Variants in MYBL1 observed in about 807,000 individuals in gnomAD.
MYBL1 encodes the protein MYB proto-oncogene like 1, also known as myb-related protein A.
A neutral mutation model predicts 96.3 loss-of-function variants in MYBL1; 17 were observed. The observed-to-expected ratio is 0.18, with a 90% CI of 0.12 to 0.26. The LOEUF (loss-of-function observed/expected upper bound fraction) is 0.26. Ranked by LOEUF, MYBL1 falls within the 10% of genes least tolerant of loss-of-function variation. MYBL1 has a pLI of 1.00. For synonymous variants in MYBL1, 282 were observed against 292.7 expected (o/e 0.96, Z 0.37); for missense variants, 701 against 882.9 (o/e 0.79, Z 2.61).
chr8:66,570,591 A>C (rs920796695), intron 12 of MYBL1, among the ~76,000 whole-genome samples: 1 of 152,220 alleles, frequency 6.6e-6, no homozygotes, highest in African/African-American at 2.4e-5. Flanking sequence ...GAAGGCAGGA[A>C]CCATACTTGA....
At chr8:66,607,140 A>C (rs894398097) in intron 1 of MYBL1, among the ~76,000 whole-genome samples, 17 of 152,006 alleles carry the variant, frequency 1.1e-4, no homozygotes, top group Non-Finnish European at 2.1e-4. Flanking sequence ...AAAAAAAAAA[A>C]AAAAAAAAAA....
At position 66,576,007 on chromosome 8, in the gene MYBL1, C is replaced by T; in HGVS notation, c.1470G>A (p.Gln490=). The change falls in exon 10 of 16, where the codon CAG becomes CAA. Residue 490 remains glutamine, a splice_region_variant and synonymous_variant. Transcript: ENST00000522677. ...ACATAAACAAAATGAACACCACTAC[C>T]TGTGAAGGAGAAAATGGTAGTGTTT... The part of the protein sequence containing the change: ...PLKTLPFSPS[Q]FFNTCPGNEQ... 6.2e-7 allele frequency: 1 copy of T among 1,609,286 alleles called. No homozygotes were observed. Among genetic ancestry groups the T allele is most frequent in the East Asian group, 2.2e-5 (1 of 44,814 alleles).
At chr8:66,573,869 CAG>C (rs766879050) in intron 10 of MYBL1, among the ~76,000 whole-genome samples, 5 of 152,114 alleles carry the variant, frequency 3.3e-5, no homozygotes, top group East Asian at 3.8e-4. Flanking sequence ...TTTTGTACAA[CAG>C]TGTGTAACTG....
At chr8:66,600,760 T>A (rs147614869) in intron 3 of MYBL1, among the ~76,000 whole-genome samples, 2 of 152,234 alleles carry the variant, frequency 1.3e-5, no homozygotes, top group Admixed American at 1.3e-4. Flanking sequence ...GAAAGTCATA[T>A]GACAATATAG....
intron 1 of MYBL1, among the ~76,000 whole-genome samples, chr8:66,606,518 T>C (rs1810317870): frequency 6.6e-6 from 1 of 152,240 alleles, no homozygotes; most frequent in South Asian, 2.1e-4. Flanking sequence ...GTAAGTTATG[T>C]AATTTTAATC....
chr8:66,590,578 G>A (rs931133266), intron 8 of MYBL1, among the ~76,000 whole-genome samples: 7 of 146,964 alleles, frequency 4.8e-5, no homozygotes, highest in African/African-American at 1.8e-4. Flanking sequence ...GACCACAGGT[G>A]TGCACCACCA....
chr8:66,603,565 A>T (rs1810192460), intron 1 of MYBL1, among the ~76,000 whole-genome samples: 1 of 151,526 alleles, frequency 6.6e-6, no homozygotes, highest in Non-Finnish European at 1.5e-5. Context: ...ATCACAGCTC[A>T]CTGTAGCCTC....
chr8:66,602,508 A>G lies in MYBL1; in HGVS notation c.36T>C (p.Asp12=). 6.2e-7 allele frequency: 1 copy of G among 1,600,292 alleles called. No individual in the cohort carries two copies. Among genetic ancestry groups the G allele is most frequent in the African/African-American group, 1.3e-5 (1 of 74,186 alleles). The change falls in exon 2 of 16, where the codon GAT becomes GAC. Residue 12 remains aspartate (D), a synonymous_variant. Transcript: ENST00000522677. ...AATCATGATCGGCATACTGAAGGTC[A>G]TCATCCTCATCCTCACTACAAAAAA... ...AKRSRSEDED[D]DLQYADHDYE...
intron 8 of MYBL1, among the ~76,000 whole-genome samples, chr8:66,591,698 G>A (rs1809652649): frequency 6.6e-6 from 1 of 151,814 alleles, no homozygotes; most frequent in Non-Finnish European, 1.5e-5. Flanking sequence ...TTTTCAAAGA[G>A]AATAAAAATA....
At chr8:66,602,592 G>T in intron 1 of MYBL1, 69 bp from the exon 2 acceptor site, 2 of 999,862 alleles carry the variant, frequency 2.0e-6, no homozygotes, top group Non-Finnish European at 1.5e-6. Context: ...CACTGAACTT[G>T]TGTGTGCAGG....
At chr8:66,610,014 C>G (rs1810468123) in intron 1 of MYBL1, among the ~76,000 whole-genome samples, 1 of 151,944 alleles carries the variant, frequency 6.6e-6, no homozygotes, top group Non-Finnish European at 1.5e-5. Context: ...ATTTCAAGAG[C>G]TGGCTTTTAT....
At chr8:66,588,881 A>T (rs1809524015) in intron 8 of MYBL1, among the ~76,000 whole-genome samples, 1 of 152,204 alleles carries the variant, frequency 6.6e-6, no homozygotes, top group African/African-American at 2.4e-5. Flanking sequence ...TTAGCTGGGT[A>T]TGGTGGCACA....
rs1809819978 is a variant in MYBL1, at chr8:66,595,624, C to T, written c.646G>A (p.Asp216Asn). The T allele has an allele frequency of 6.3e-7, 1 of 1,593,524 alleles. No homozygotes were observed. Among genetic ancestry groups the T allele is most frequent in the Non-Finnish European group, 8.6e-7 (1 of 1,169,064 alleles). ...AACTGATTCTGGGTTTGCATATGAT[C>T]CATAGCTGCACAAGGTTTGTGTTGA... Reference protein sequence around the residue: ...KLQHKPCAAMDHMQTQNQFYI... With the variant: ...KLQHKPCAAMNHMQTQNQFYI... Residue 216 changes from aspartate to asparagine, a missense_variant, in exon 6 of 16, where the codon GAT becomes AAT. By Grantham distance (23) the Asp-to-Asn change is conservative. Coordinates refer to ENST00000522677, the MANE Select transcript of MYBL1 (RefSeq NM_001080416.4).
At chr8:66,565,030 T>G (rs1808450019) in intron 15 of MYBL1, 1 of 311,770 alleles carries the variant, frequency 3.2e-6, no homozygotes, top group Non-Finnish European at 5.7e-6. Flanking sequence ...TTTTAAAAAG[T>G]CAATTATTTT....
chr8:66,576,673 G>A (rs185489963), intron 9 of MYBL1, among the ~76,000 whole-genome samples: 573 of 152,162 alleles, frequency 3.8e-3, no homozygotes, highest in Non-Finnish European at 6.5e-3. Flanking sequence ...AGTATATTTC[G>A]TCATAAAACT....
At chr8:66,566,809 A>C (rs772653312) in intron 13 of MYBL1, 21 bp from the exon 14 acceptor site, 1 of 1,593,298 alleles carries the variant, frequency 6.3e-7, no homozygotes, top group Non-Finnish European at 8.6e-7. Flanking sequence ...TAATTTATGT[A>C]GAAGCTTTAT....
intron 1 of MYBL1, among the ~76,000 whole-genome samples, chr8:66,609,306 A>T (rs570654321): frequency 1.3e-5 from 2 of 152,192 alleles, no homozygotes; most frequent in South Asian, 2.1e-4. Context: ...AAATTTTTTT[A>T]AATTTTTTAT....
intron 1 of MYBL1, among the ~76,000 whole-genome samples, chr8:66,602,888 G>C (rs1810159745): frequency 6.6e-6 from 1 of 150,826 alleles, no homozygotes; most frequent in African/African-American, 2.4e-5. Flanking sequence ...TGGGACTACG[G>C]GCGCCCACCA....
chr8:66,596,271 C>G (rs1301599954), intron 5 of MYBL1, among the ~76,000 whole-genome samples: 1 of 152,088 alleles, frequency 6.6e-6, no homozygotes, highest in Non-Finnish European at 1.5e-5. Context: ...AAAAGCAAAT[C>G]ACAAACTAAA....
Sources: allele counts gnomAD v4.1 joint callset (sites outside exome capture counted in the v4.1 genomes callset), GRCh38; gene constraint gnomAD v4.1.1; transcripts MANE v1.5; gene names NCBI Gene and HGNC (gene_info 2026-07-23, HGNC 2026-07-21).